Variants in FBXO42 observed in about 807,000 individuals in gnomAD.
FBXO42 encodes F-box only protein 42.
Under a neutral mutation model 71.7 loss-of-function variants are expected in FBXO42, and 12 were observed. The ratio of observed to expected loss-of-function variants is 0.17; its 90% CI spans 0.11 to 0.27. The LOEUF (loss-of-function observed/expected upper bound fraction) is 0.27, where lower values mean the gene tolerates loss of function less well. Ranked by LOEUF, FBXO42 falls within the 10% of genes least tolerant of loss-of-function variation. FBXO42 has a pLI of 1.00. For synonymous variants in FBXO42, 325 were observed against 327.5 expected, an observed-to-expected ratio of 0.99 and a Z score of 0.08; for missense variants, 707 against 911.9, an observed-to-expected ratio of 0.78 and a Z score of 2.89.
intron 3 of FBXO42, among the ~76,000 whole-genome samples, chr1:16,297,179 G>GCTT (rs2082139188): frequency 1.3e-5 from 2 of 151,932 alleles, no homozygotes; most frequent in Admixed American, 1.3e-4. Flanking sequence ...CCTGACCTCA[G>GCTT]GTGATCCACC....
At chr1:16,311,189 A>AG (rs2082308496) in intron 2 of FBXO42, among the ~76,000 whole-genome samples, 3 of 149,158 alleles carry the variant, frequency 2.0e-5, no homozygotes, top group Non-Finnish European at 4.5e-5. Flanking sequence ...AAAAAAAAAA[A>AG]AGGGGGTCAA....
At chr1:16,284,030 A>G (rs1212421399) in intron 4 of FBXO42, among the ~76,000 whole-genome samples, 1 of 152,230 alleles carries the variant, frequency 6.6e-6, no homozygotes, top group Non-Finnish European at 1.5e-5. Context: ...TATTTCAGAA[A>G]CAGTGGTTTA....
chr1:16,263,059 AAAAC>A (rs2081732092), intron 4 of FBXO42, among the ~76,000 whole-genome samples: 1 of 152,154 alleles, frequency 6.6e-6, no homozygotes, highest in African/African-American at 2.4e-5. Flanking sequence ...GGAGTTCTGG[AAAAC>A]AAACAATAAG....
intron 2 of FBXO42, among the ~76,000 whole-genome samples, chr1:16,308,775 C>A (rs2082282018): frequency 8.8e-6 from 1 of 114,268 alleles, no homozygotes; most frequent in Non-Finnish European, 1.7e-5. Flanking sequence ...GAAGGAGTCT[C>A]ACTCTGCTGC....
At chr1:16,318,475 ATAT>A (rs1451975231) in intron 1 of FBXO42, among the ~76,000 whole-genome samples, 1 of 152,166 alleles carries the variant, frequency 6.6e-6, no homozygotes, top group Admixed American at 6.6e-5. Flanking sequence ...TCTAGTGGGA[ATAT>A]TATTAATAAT....
chr1:16,345,615 C>T (rs1437343568), intron 1 of FBXO42, among the ~76,000 whole-genome samples: 3 of 151,856 alleles, frequency 2.0e-5, no homozygotes, highest in African/African-American at 4.8e-5. Context: ...TTTGGGAGGC[C>T]GAGGCAGGCG....
chr1:16,340,709 A>G (rs1434704113), intron 1 of FBXO42, among the ~76,000 whole-genome samples: 1 of 152,300 alleles, frequency 6.6e-6, no homozygotes, highest in African/African-American at 2.4e-5. Flanking sequence ...TTTTCTTACA[A>G]TGCTTTATAC....
At chr1:16,253,508 A>G (rs181648207) in intron 7 of FBXO42, 127 bp downstream of exon 7, 5 of 755,096 alleles carry the variant, frequency 6.6e-6, no homozygotes, top group Non-Finnish European at 1.1e-5. Flanking sequence ...AATACCAGTA[A>G]AAAAGAATGA....
intron 4 of FBXO42, among the ~76,000 whole-genome samples, chr1:16,278,874 G>A (rs2081932123): frequency 6.6e-6 from 1 of 152,082 alleles, no homozygotes; most frequent in Admixed American, 6.6e-5. Context: ...CGCCTTCTGG[G>A]TTCAACCGAT....
At chr1:16,278,039 A>G (rs1244123970) in intron 4 of FBXO42, among the ~76,000 whole-genome samples, 1 of 149,672 alleles carries the variant, frequency 6.7e-6, no homozygotes, top group Admixed American at 6.7e-5. Context: ...GACACCCTGT[A>G]TCAAAAAATA....
chr1:16,311,495 AAAAAAAAAAT>A (rs1158872597), intron 2 of FBXO42, among the ~76,000 whole-genome samples: 15 of 90,604 alleles, frequency 1.7e-4, no homozygotes, highest in East Asian at 1.0e-3. Context: ...CTCAAAAAAA[AAAAAAAAAAT>A]ATATATATAT....
chr1:16,306,927 G>A (rs910340295), intron 2 of FBXO42, among the ~76,000 whole-genome samples: 1 of 151,842 alleles, frequency 6.6e-6, no homozygotes, highest in Non-Finnish European at 1.5e-5. Context: ...TTTTGAGACA[G>A]AGTCTCGCTC....
chr1:16,292,267 G>GCTTC (rs2082086791), intron 4 of FBXO42: 1 of 151,902 alleles, frequency 6.6e-6, no homozygotes, highest in Non-Finnish European at 1.5e-5. Context: ...CTTTTCTTTG[G>GCTTC]CTTCCCTCCC....
Position 16,265,337 on chromosome 1 carries a change from C to T in FBXO42, c.503-8578G>A, listed in dbSNP as rs576028431. Among the ~76,000 whole-genome samples the T allele has an allele frequency of 2.0e-5, 3 of 152,164 alleles. No individual in the cohort carries two copies. In the South Asian group the frequency reaches 6.2e-4, roughly 32 times the overall value. On this transcript the variant is annotated intron_variant, in intron 4 of 9. Transcript: ENST00000375592. ...AACTCCCAACCTCAGGTGGTCCTCC[C>T]GTCTTGGCCCCCCAAAGTGCTGGGA...
Position 16,350,573 on chromosome 1 carries a change from CAAAAAAAAAAAA to C in FBXO42, c.-18+1670_-18+1681del, listed in dbSNP as rs60358251. On this transcript the variant is annotated intron_variant, in intron 1 of 9. Transcript: ENST00000375592. ...TGAAACCCCGTCTCTACTAAAATTA[CAAAAAAAAAAAA>C]AAAAAAAAAAAAATTAGCGGGCGTG... 3.6e-3 allele frequency among the ~76,000 whole-genome samples: 238 copies of C among 66,798 alleles called. 2 individuals carry two copies. Among genetic ancestry groups the C allele is most frequent in the African/African-American group, 0.013 (225 of 17,376 alleles). The allele number at this position is 66,798 out of a possible 152,430, so 43.8% of individuals were successfully genotyped here. A position where few individuals can be genotyped will look rare whatever the true frequency, so the allele number is the denominator to read the frequency against.
chr1:16,300,173 G>A (rs1316868454), intron 3 of FBXO42, among the ~76,000 whole-genome samples: 1 of 152,034 alleles, frequency 6.6e-6, no homozygotes. Context: ...AGAACATCTA[G>A]ACCACTAGAA....
chr1:16,294,749 G>A, intron 4 of FBXO42, 34 bp downstream of exon 4: 1 of 1,608,290 alleles, frequency 6.2e-7, no homozygotes, highest in Non-Finnish European at 8.5e-7. Context: ...GAGTCACCTG[G>A]TAAGGAGGCA....
chr1:16,297,232 A>G (rs899651064), intron 3 of FBXO42, among the ~76,000 whole-genome samples: 2 of 151,832 alleles, frequency 1.3e-5, no homozygotes, highest in African/African-American at 4.8e-5. Context: ...GTGAGAGCCA[A>G]TGCGCCCAGC....
intron 1 of FBXO42, among the ~76,000 whole-genome samples, chr1:16,343,197 T>C (rs1414119324): frequency 2.6e-5 from 4 of 152,202 alleles, no homozygotes; most frequent in East Asian, 1.9e-4. Context: ...AAATATTTAG[T>C]ATATTTTCCA....
Sources: gnomAD v4.1 joint callset for allele counts (sites outside exome capture counted in the v4.1 genomes callset) on GRCh38, gnomAD v4.1.1 for gene constraint, MANE v1.5 for transcripts, NCBI Gene and HGNC (gene_info 2026-07-23, HGNC 2026-07-21) for gene names.